MAP3K13: variants seen among roughly 807,000 people sequenced by gnomAD.
MAP3K13 encodes mitogen-activated protein kinase kinase kinase 13.
MAP3K13 carries 52 observed loss-of-function variants against 104.0 expected under a neutral mutation model. The ratio of observed to expected loss-of-function variants is 0.50; its 90% CI spans 0.40 to 0.63. The LOEUF is 0.63. Ranked by LOEUF, MAP3K13 falls within the 20% of genes least tolerant of loss-of-function variation. MAP3K13 has a pLI of 0.00. For missense variants in MAP3K13, 914 were observed against 1,218.5 expected, an observed-to-expected ratio of 0.75 and a Z score of 3.72; for synonymous variants, 394 against 442.2, an observed-to-expected ratio of 0.89 and a Z score of 1.37.
At chr3:185,359,323 C>T (rs1390913519), upstream of MAP3K13, among the ~76,000 whole-genome samples, 2 of 152,120 alleles carry the variant, frequency 1.3e-5, no homozygotes, top group Non-Finnish European at 2.9e-5. Context: ...AATTACCCCC[C>T]ACCAGATCCC....
At chr3:185,306,189 G>A (rs938140341) in intron 2 of MAP3K13, among the ~76,000 whole-genome samples, 2 of 152,126 alleles carry the variant, frequency 1.3e-5, no homozygotes, top group South Asian at 2.1e-4. Context: ...CCATTGATGG[G>A]CACCTAGGTT....
upstream of MAP3K13, among the ~76,000 whole-genome samples, chr3:185,361,096 A>ATGTG (rs1378977342): frequency 1.2e-3 from 70 of 56,266 alleles, no homozygotes; most frequent in African/African-American, 2.7e-3. Context: ...GTATATATAT[A>ATGTG]TATGTGTGTG....
chr3:185,307,447 CT>C (rs1721323378), intron 2 of MAP3K13, among the ~76,000 whole-genome samples: 1 of 150,690 alleles, frequency 6.6e-6, no homozygotes, highest in Non-Finnish European at 1.5e-5. Context: ...CTGATTTTGT[CT>C]TCTGTTTGAT....
chr3:185,454,919 A>AGATATATATAT (rs1560117878), intron 7 of MAP3K13, among the ~76,000 whole-genome samples: 2 of 61,862 alleles, frequency 3.2e-5, no homozygotes, highest in African/African-American at 1.2e-4. Flanking sequence ...TATATATATG[A>AGATATATATAT]GATATATATA....
intron 2 of MAP3K13, among the ~76,000 whole-genome samples, chr3:185,432,865 T>C (rs1224298811): frequency 6.6e-6 from 1 of 152,216 alleles, no homozygotes; most frequent in Non-Finnish European, 1.5e-5. Context: ...GTGCCTGGCC[T>C]TTCAGCAGAT....
chr3:185,469,513 G>C (rs541296931), intron 10 of MAP3K13, among the ~76,000 whole-genome samples: 1 of 152,320 alleles, frequency 6.6e-6, no homozygotes, highest in Admixed American at 6.5e-5. Context: ...GCTGACCACA[G>C]AATTTTGAAT....
chr3:185,317,374 G>A (rs929423733), intron 2 of MAP3K13, among the ~76,000 whole-genome samples: 1 of 152,092 alleles, frequency 6.6e-6, no homozygotes, highest in African/African-American at 2.4e-5. Flanking sequence ...AGTGCTTTAG[G>A]GTTAGTTTCA....
chr3:185,418,787 G>C lies in MAP3K13; in HGVS notation c.-85-9710G>C. ...GGGCGAGCACACGCCATGGCGGAGA[G>C]AGGAGACAGCCACGCTCCTCTCAGC... On this transcript the variant is annotated intron_variant, in intron 1 of 13. Coordinates refer to ENST00000265026, the MANE Select transcript of MAP3K13 (RefSeq NM_004721.5). This position sits in a 1 kb window ranked among gnomAD's most constrained non-coding sequence, Gnocchi z 4.5. 6.3e-7 allele frequency: 1 copy of C among 1,595,526 alleles called. No homozygotes were observed. Among genetic ancestry groups the C allele is most frequent in the Non-Finnish European group, 8.6e-7 (1 of 1,166,724 alleles).
At chr3:185,409,999 T>C (rs569803622) in intron 1 of MAP3K13, among the ~76,000 whole-genome samples, 18 of 152,218 alleles carry the variant, frequency 1.2e-4, no homozygotes, top group South Asian at 4.2e-4. Flanking sequence ...TAGAGTCTCA[T>C]AAGGCGCGCA....
intron 11 of MAP3K13, among the ~76,000 whole-genome samples, chr3:185,474,608 CT>C (rs1240986034): frequency 1.3e-5 from 2 of 152,180 alleles, no homozygotes; most frequent in Non-Finnish European, 2.9e-5. Context: ...TATTAATCCC[CT>C]GAGGCACTAG....
chr3:185,412,258 GTTT>G (rs1713496037), intron 1 of MAP3K13, among the ~76,000 whole-genome samples: 1 of 151,464 alleles, frequency 6.6e-6, no homozygotes, highest in African/African-American at 2.4e-5. Flanking sequence ...GTCACAAATA[GTTT>G]ATTATTTTAC....
At chr3:185,291,950 T>C (rs566033122) in intron 2 of MAP3K13, 1 of 1,112,552 alleles carries the variant, frequency 9.0e-7, no homozygotes, top group East Asian at 5.0e-5. Context: ...AAGTTTTCAT[T>C]GATAGAGAAG....
Position 185,443,670 on chromosome 3 carries a change from GT to G in MAP3K13, c.851+37del. On this transcript the variant is annotated intron_variant, in intron 4 of 13. Coordinates refer to ENST00000265026, the MANE Select transcript of MAP3K13 (RefSeq NM_004721.5). ...TGGGGCTAATGTTTCAGCTATTTTG[GT>G]TTGTTGTTTTGAAATACAGAATTTT... The G allele has an allele frequency of 1.9e-6, 3 of 1,589,654 alleles. No homozygotes were observed. The South Asian group carries it at 3.3e-5, about 18-fold the overall frequency.
intron 1 of MAP3K13, among the ~76,000 whole-genome samples, chr3:185,392,049 CTT>C (rs1395394237): frequency 6.6e-6 from 1 of 152,114 alleles, no homozygotes; most frequent in Non-Finnish European, 1.5e-5. Context: ...TCTTGCATGA[CTT>C]TTACATGCTA....
intron 7 of MAP3K13, among the ~76,000 whole-genome samples, chr3:185,460,004 T>A (rs931795112): frequency 1.3e-5 from 2 of 152,252 alleles, no homozygotes; most frequent in African/African-American, 2.4e-5. Flanking sequence ...TCACGTGGTG[T>A]GTTTTCAAGG....
At chr3:185,317,499 A>G (rs1490631184) in intron 2 of MAP3K13, among the ~76,000 whole-genome samples, 1 of 152,226 alleles carries the variant, frequency 6.6e-6, no homozygotes, top group Admixed American at 6.5e-5. Context: ...AACAAAAATG[A>G]TAAATGCTTT....
At chr3:185,342,738 T>C (rs1238324048) in intron 2 of MAP3K13, among the ~76,000 whole-genome samples, 1 of 152,208 alleles carries the variant, frequency 6.6e-6, no homozygotes, top group Non-Finnish European at 1.5e-5. Flanking sequence ...TCTGTAGGTG[T>C]ATTAATTTTC....
chr3:185,443,816 G>GC (rs1560109460), intron 4 of MAP3K13, 180 bp downstream of exon 4: 1 of 554,890 alleles, frequency 1.8e-6, no homozygotes, highest in Non-Finnish European at 3.2e-6. Context: ...TACCTGTAGG[G>GC]CAGATACGTC....
chr3:185,291,581 A>G, intron 2 of MAP3K13: 1 of 1,498,520 alleles, frequency 6.7e-7, no homozygotes, highest in Non-Finnish European at 8.8e-7. Context: ...GACTTGTAGT[A>G]GAATTTTTTT....
Sources: gnomAD v4.1 joint callset for allele counts (sites outside exome capture counted in the v4.1 genomes callset) on GRCh38, gnomAD v4.1.1 for gene constraint, Gnocchi (gnomAD v3.1) non-coding constraint, MANE v1.5 for transcripts, NCBI Gene and HGNC (gene_info 2026-07-23, HGNC 2026-07-21) for gene names.